Variants in SOX5 observed in about 807,000 individuals in gnomAD.
SOX5 encodes the protein SRY-box transcription factor 5, also known as transcription factor SOX-5.
SOX5 carries 9 observed loss-of-function variants against 92.0 expected under a neutral mutation model. That is an observed-to-expected ratio of 0.10 (90% CI 0.06 to 0.17). The LOEUF (loss-of-function observed/expected upper bound fraction) is 0.17. SOX5 is among the 10% of genes least tolerant of loss of function. The probability of loss-of-function intolerance (pLI) is 1.00; values close to 1 mark genes in which losing one functional copy is unlikely to be tolerated. For missense variants in SOX5, 642 were observed against 944.5 expected (o/e 0.68, Z 4.20); for synonymous variants, 344 against 336.3 (o/e 1.02, Z -0.25).
chr12:24,194,754 G>A (rs904855179), intron 4 of SOX5, among the ~76,000 whole-genome samples: 1 of 152,030 alleles, frequency 6.6e-6, no homozygotes, highest in African/African-American at 2.4e-5. Context: ...GCTCTGTGGG[G>A]CTGGAAAGCT....
chr12:23,924,921 A>G (rs1038731600), intron 1 of SOX5, among the ~76,000 whole-genome samples: 1 of 152,064 alleles, frequency 6.6e-6, no homozygotes, highest in Non-Finnish European at 1.5e-5. Flanking sequence ...TAGAAAACCC[A>G]ACTTTGTTCA....
intron 6 of SOX5, among the ~76,000 whole-genome samples, chr12:23,674,458 C>A (rs1052372502): frequency 6.7e-6 from 1 of 149,978 alleles, no homozygotes; most frequent in Non-Finnish European, 1.5e-5. Context: ...CTTCCTCAGC[C>A]TCCAGAGTAG....
chr12:24,466,746 C>CA (rs1944279111), intron 1 of SOX5, among the ~76,000 whole-genome samples: 1 of 152,056 alleles, frequency 6.6e-6, no homozygotes, highest in African/African-American at 2.4e-5. Flanking sequence ...TGACATTTTT[C>CA]AAAAAACAGT....
At chr12:23,687,830 G>C (rs906980198) in intron 6 of SOX5, among the ~76,000 whole-genome samples, 1 of 151,610 alleles carries the variant, frequency 6.6e-6, no homozygotes, top group African/African-American at 2.4e-5. Flanking sequence ...GAAGCACTGG[G>C]GACTATTTTC....
intron 2 of SOX5, among the ~76,000 whole-genome samples, chr12:23,878,944 C>T (rs150226915): frequency 9.2e-5 from 14 of 152,148 alleles, no homozygotes; most frequent in African/African-American, 1.4e-4. Context: ...CCTTTTAGCT[C>T]TGAGTTAGGG....
chr12:23,613,605 T>C (rs1585778), intron 8 of SOX5, among the ~76,000 whole-genome samples: 151,227 of 152,312 alleles, frequency 0.99, 75,084 homozygotes, highest in East Asian at 1. Flanking sequence ...AAGGTAGAAA[T>C]AATTCAAATG....
chr12:24,255,647 T>C (rs1941025465), intron 3 of SOX5, among the ~76,000 whole-genome samples: 1 of 152,070 alleles, frequency 6.6e-6, no homozygotes, highest in African/African-American at 2.4e-5. Context: ...TACATTGGAG[T>C]TTGGCCAGGC....
At chr12:24,505,850 T>TGCGC (rs1176008992) in intron 1 of SOX5, among the ~76,000 whole-genome samples, 112 of 142,372 alleles carry the variant, frequency 7.9e-4, no homozygotes, top group African/African-American at 2.9e-3. Flanking sequence ...TGTGTGTGTG[T>TGCGC]GTGCGTGTGT....
chr12:24,227,643 C>G (rs1161273283), intron 3 of SOX5: 1 of 152,158 alleles, frequency 6.6e-6, no homozygotes, highest in East Asian at 1.9e-4. Context: ...TGTGAATGGC[C>G]TCCTAAGCAG....
chr12:23,560,853 T>C (rs1331864274), intron 11 of SOX5, among the ~76,000 whole-genome samples: 1 of 152,212 alleles, frequency 6.6e-6, no homozygotes, highest in African/African-American at 2.4e-5. Context: ...AATACCTGCT[T>C]CAAAGAGTTT....
At chr12:24,233,278 T>A (rs1378426704) in intron 3 of SOX5, among the ~76,000 whole-genome samples, 1 of 151,550 alleles carries the variant, frequency 6.6e-6, no homozygotes, top group East Asian at 1.9e-4. Context: ...TATAATAATA[T>A]GAATAACAAT....
At chr12:24,498,388 AAG>A (rs1432074458) in intron 1 of SOX5, among the ~76,000 whole-genome samples, 1 of 152,142 alleles carries the variant, frequency 6.6e-6, no homozygotes, top group Non-Finnish European at 1.5e-5. Context: ...TTCATGCACT[AAG>A]ACCCTTTGCT....
chr12:24,311,649 C>T (rs1305892023), intron 2 of SOX5, among the ~76,000 whole-genome samples: 1 of 152,150 alleles, frequency 6.6e-6, no homozygotes, highest in African/African-American at 2.4e-5. Context: ...TGGGAATTAT[C>T]TTCAGGTCAA....
intron 3 of SOX5, among the ~76,000 whole-genome samples, chr12:24,232,001 T>C (rs902925631): frequency 1.3e-5 from 2 of 152,216 alleles, no homozygotes; most frequent in Non-Finnish European, 2.9e-5. Flanking sequence ...GATTTTATAA[T>C]TATCTTCAAA....
chr12:23,725,705 G>C (rs914680127), intron 6 of SOX5, among the ~76,000 whole-genome samples: 4 of 152,272 alleles, frequency 2.6e-5, no homozygotes, highest in East Asian at 3.9e-4. Flanking sequence ...AGACCATTTA[G>C]ACAGTAAGTG....
chr12:24,421,864 A>G (rs1965966937), intron 1 of SOX5, among the ~76,000 whole-genome samples: 1 of 152,214 alleles, frequency 6.6e-6, no homozygotes, highest in Non-Finnish European at 1.5e-5. Context: ...CTTCTTTTGC[A>G]AATCAAATAA....
intron 4 of SOX5, among the ~76,000 whole-genome samples, chr12:23,976,379 G>A (rs1255359871): frequency 6.0e-5 from 6 of 99,236 alleles, no homozygotes; most frequent in African/African-American, 2.2e-4. Context: ...TTTCTAAGAG[G>A]TGAACACTAT....
At chr12:24,455,925 C>A (rs1942968112) in intron 1 of SOX5, among the ~76,000 whole-genome samples, 2 of 152,288 alleles carry the variant, frequency 1.3e-5, no homozygotes, top group Admixed American at 1.3e-4. Context: ...CTACGAACAG[C>A]TCTGCGAGGC....
chr12:23,974,228 AG>A (rs1948669508), intron 4 of SOX5, among the ~76,000 whole-genome samples: 1 of 152,190 alleles, frequency 6.6e-6, no homozygotes, highest in African/African-American at 2.4e-5. Context: ...CACGGAACAG[AG>A]GGACTACAGT....
Sources: allele counts gnomAD v4.1 joint callset (sites outside exome capture counted in the v4.1 genomes callset), GRCh38; gene constraint gnomAD v4.1.1; transcripts MANE v1.5; gene names NCBI Gene and HGNC (gene_info 2026-07-23, HGNC 2026-07-21).